The following PCDH9 variants were observed in gnomAD, a reference collection of about 807,000 sequenced individuals.
PCDH9 encodes protocadherin-9.
A neutral mutation model predicts 70.6 loss-of-function variants in PCDH9; 24 were observed. The observed-to-expected ratio is 0.34, with a 90% CI of 0.25 to 0.48. The LOEUF is 0.48. Ranked by LOEUF, PCDH9 falls within the 20% of genes least tolerant of loss-of-function variation. The probability of loss-of-function intolerance (pLI) is 0.99; values close to 1 mark genes in which losing one functional copy is unlikely to be tolerated. For missense variants in PCDH9, 1,281 were observed against 1,503.6 expected (o/e 0.85, Z 2.45); for synonymous variants, 562 against 558.5 (o/e 1.01, Z -0.09).
chr13:67,225,241 T>C, intron 2 of PCDH9, 164 bp downstream of exon 2: 1 of 1,285,548 alleles, frequency 7.8e-7, no homozygotes, highest in Non-Finnish European at 1.0e-6. Context: ...GTTCTAAAAA[T>C]TCTTGACTGA....
At chr13:66,662,232 G>A (rs182111348) in intron 3 of PCDH9, among the ~76,000 whole-genome samples, 6 of 152,034 alleles carry the variant, frequency 3.9e-5, no homozygotes, top group Non-Finnish European at 7.4e-5. Context: ...TGGCACTTTG[G>A]GGGGCTGAGG....
intron 2 of PCDH9, among the ~76,000 whole-genome samples, chr13:67,193,335 ACACACACACACAC>A (rs2088970620): frequency 2.3e-5 from 1 of 42,992 alleles, no homozygotes; most frequent in Non-Finnish European, 5.4e-5. Context: ...AGATTAAAAC[ACACACACACACAC>A]ACACACACAC....
At chr13:67,048,735 G>A (rs2085268942) in intron 2 of PCDH9, among the ~76,000 whole-genome samples, 1 of 152,136 alleles carries the variant, frequency 6.6e-6, no homozygotes. Context: ...ACTAGATTGT[G>A]GGCAGCTTAC....
At chr13:67,046,764 A>T (rs1486016875) in intron 2 of PCDH9, among the ~76,000 whole-genome samples, 1 of 152,026 alleles carries the variant, frequency 6.6e-6, no homozygotes, top group East Asian at 1.9e-4. Context: ...AAAACACACT[A>T]AGAAAATCCT....
At chr13:67,162,482 T>C (rs997405463) in intron 2 of PCDH9, among the ~76,000 whole-genome samples, 2 of 152,226 alleles carry the variant, frequency 1.3e-5, no homozygotes, top group African/African-American at 4.8e-5. Flanking sequence ...ACAAGCAGTG[T>C]GGACTTTCAC....
chr13:66,764,626 AG>A (rs1338952016), intron 3 of PCDH9, among the ~76,000 whole-genome samples: 1 of 152,004 alleles, frequency 6.6e-6, no homozygotes, highest in Non-Finnish European at 1.5e-5. Flanking sequence ...TAAAGAAAAA[AG>A]TTATTTTCCA....
chr13:66,672,124 A>T (rs2078183620), intron 3 of PCDH9, among the ~76,000 whole-genome samples: 1 of 152,164 alleles, frequency 6.6e-6, no homozygotes, highest in African/African-American at 2.4e-5. Context: ...GCCATGGCTA[A>T]AAGAGGTCAA....
chr13:67,142,108 G>T (rs2138361250), intron 2 of PCDH9, among the ~76,000 whole-genome samples: 1 of 152,198 alleles, frequency 6.6e-6, no homozygotes, highest in African/African-American at 2.4e-5. Context: ...AGAACCTGAG[G>T]AAACATGGAA....
intron 4 of PCDH9, among the ~76,000 whole-genome samples, chr13:66,448,810 C>G (rs1009801311): frequency 3.5e-5 from 5 of 144,196 alleles, no homozygotes; most frequent in African/African-American, 1.3e-4. Context: ...TTTTTGTAGT[C>G]ATACAATCAA....
At chr13:66,881,260 G>C (rs972269769) in intron 3 of PCDH9, among the ~76,000 whole-genome samples, 1 of 152,108 alleles carries the variant, frequency 6.6e-6, no homozygotes, top group Non-Finnish European at 1.5e-5. Flanking sequence ...CCCAAGACTG[G>C]GCAATTTACA....
At chr13:67,219,813 A>T (rs1481085174) in intron 2 of PCDH9, 1 of 152,078 alleles carries the variant, frequency 6.6e-6, no homozygotes, top group Non-Finnish European at 1.5e-5. Context: ...ATAAGATATT[A>T]AATGATTTAC....
At chr13:66,798,776 A>G (rs1594075656) in intron 3 of PCDH9, among the ~76,000 whole-genome samples, 1 of 151,616 alleles carries the variant, frequency 6.6e-6, no homozygotes, top group East Asian at 2.0e-4. Flanking sequence ...GCTCTGAATT[A>G]TTAGAAATAT....
intron 3 of PCDH9, among the ~76,000 whole-genome samples, chr13:66,784,050 G>C (rs2080041204): frequency 6.6e-6 from 1 of 151,914 alleles, no homozygotes; most frequent in Non-Finnish European, 1.5e-5. Flanking sequence ...CTTCATTAAG[G>C]AAAAAATAGC....
rs572680120 is a variant in PCDH9 at position 66,776,088 on chromosome 13, C to G, written c.3138+127416G>C. 1.3e-4 allele frequency among the ~76,000 whole-genome samples: 20 copies of G among 152,244 alleles called. No homozygotes were observed. In the South Asian group the frequency reaches 3.7e-3, roughly 28 times the overall value. On this transcript the variant is annotated intron_variant, in intron 3 of 4. Transcript: ENST00000377865. ...TCTTTAAAATGTCATTACCAAATTC[C>G]ATTTCAAAAATACTCTCTGCTCTTT...
chr13:66,985,297 G>C (rs1010808640), intron 2 of PCDH9, among the ~76,000 whole-genome samples: 1 of 152,020 alleles, frequency 6.6e-6, no homozygotes, highest in Admixed American at 6.6e-5. Context: ...GAATAGGAAA[G>C]TACCTTTGGG....
At chr13:66,368,163 AAATTT>A (rs1210263827) in intron 4 of PCDH9, among the ~76,000 whole-genome samples, 15 of 152,098 alleles carry the variant, frequency 9.9e-5, no homozygotes, top group African/African-American at 3.6e-4. Flanking sequence ...GATAAAAATT[AAATTT>A]AACTTTTCTA....
intron 3 of PCDH9, among the ~76,000 whole-genome samples, chr13:66,735,924 A>G (rs918860340): frequency 4.6e-5 from 7 of 152,020 alleles, no homozygotes; most frequent in Non-Finnish European, 4.4e-5. Context: ...AGATTGTGCC[A>G]CTGCACTCCA....
At chr13:67,108,163 C>T (rs562798240) in intron 2 of PCDH9, among the ~76,000 whole-genome samples, 17 of 152,262 alleles carry the variant, frequency 1.1e-4, no homozygotes, top group African/African-American at 3.6e-4. Context: ...GGGCTGGTAA[C>T]GCAAGCTGAG....
intron 2 of PCDH9, among the ~76,000 whole-genome samples, chr13:66,914,784 C>G (rs2082530958): frequency 6.6e-6 from 1 of 151,684 alleles, no homozygotes; most frequent in South Asian, 2.1e-4. Flanking sequence ...TATCAAAGTT[C>G]ATTTTGATCA....
Sources: allele counts gnomAD v4.1 joint callset (sites outside exome capture counted in the v4.1 genomes callset), GRCh38; gene constraint gnomAD v4.1.1; transcripts MANE v1.5; gene names NCBI Gene and HGNC (gene_info 2026-07-23, HGNC 2026-07-21).